Variants in KLF13 observed in about 807,000 individuals in gnomAD.
KLF13 encodes the protein KLF transcription factor 13, also known as Krueppel-like factor 13.
Under a neutral mutation model 16.7 loss-of-function variants are expected in KLF13, and 8 were observed. The ratio of observed to expected loss-of-function variants is 0.48; its 90% CI spans 0.28 to 0.87. The LOEUF is 0.87. Ranked by LOEUF, KLF13 falls within the 40% of genes least tolerant of loss-of-function variation. The pLI is 0.10. For missense variants in KLF13, 447 were observed against 452.2 expected, an observed-to-expected ratio of 0.99 and a Z score of 0.10; for synonymous variants, 245 against 208.4, an observed-to-expected ratio of 1.18 and a Z score of -1.51.
exon 1 of KLF13, chr15:31,392,931 C>T (rs2039895099): frequency 6.6e-6 from 1 of 152,508 alleles, no homozygotes; most frequent in African/African-American, 2.4e-5. Context: ...TCCGCTACGC[C>T]TGGAGAGCAT....
At chr15:31,360,735 A>G (rs1367491394) in intron 1 of KLF13, among the ~76,000 whole-genome samples, 1 of 152,212 alleles carries the variant, frequency 6.6e-6, no homozygotes, top group Non-Finnish European at 1.5e-5. Flanking sequence ...CGGCTCCCTC[A>G]AAAACCAAAG....
Position 31,374,854 on chromosome 15 carries a change from C to CG in KLF13, c.*2561dup, listed in dbSNP as rs1368467343. ...AGAGCTGGTTTGTTTTAGAGCAGGG[C>CG]GGGGGGTGGGGGAGGGAAGCGGGTG... On this transcript the variant is annotated 3_prime_UTR_variant, in exon 2 of 2. Coordinates refer to ENST00000307145, the MANE Select transcript of KLF13 (RefSeq NM_015995.4). 1.0e-5 allele frequency: 1 copy of CG among 99,180 alleles called. No individual in the cohort carries two copies. The highest frequency in any genetic ancestry group is 1.9e-5 in the Non-Finnish European group (1 of 52,710). The allele number at this position is 99,180 out of a possible 1,614,324, so 6.1% of individuals were successfully genotyped here.
intron 1 of KLF13, 106 bp downstream of exon 1, chr15:31,327,895 G>A (rs2038747249): frequency 5.2e-6 from 6 of 1,147,176 alleles, no homozygotes; most frequent in Non-Finnish European, 6.5e-6. Flanking sequence ...GGGCCGGGCG[G>A]GCCGGAACGC....
chr15:31,339,876 C>T (rs905642784), intron 1 of KLF13: 16 of 686,158 alleles, frequency 2.3e-5, no homozygotes, highest in Non-Finnish European at 3.8e-5. Context: ...GGAGATGCAG[C>T]AGCGGGCTCT....
chr15:31,343,252 G>A (rs1244845225), intron 1 of KLF13, among the ~76,000 whole-genome samples: 2 of 152,238 alleles, frequency 1.3e-5, no homozygotes, highest in Non-Finnish European at 1.5e-5. Flanking sequence ...CACCATCCTG[G>A]GAGAAACAGC....
intron 2 of KLF13, among the ~76,000 whole-genome samples, chr15:31,395,263 AGCC>A (rs1446807561): frequency 2.0e-5 from 3 of 152,184 alleles, no homozygotes; most frequent in African/African-American, 7.2e-5. Context: ...TACAGGCGTG[AGCC>A]ACTGTGCCCG....
intron 1 of KLF13, among the ~76,000 whole-genome samples, chr15:31,385,110 A>G (rs1171374043): frequency 6.6e-6 from 1 of 152,238 alleles, no homozygotes; most frequent in African/African-American, 2.4e-5. Context: ...GGTGGTGGCC[A>G]TCTGCAAACA....
chr15:31,378,413 A>G (rs1289314922), downstream of KLF13, among the ~76,000 whole-genome samples: 1 of 152,190 alleles, frequency 6.6e-6, no homozygotes, highest in Non-Finnish European at 1.5e-5. Context: ...GTCCCAGGAC[A>G]CTGGGAGTCT....
Position 31,376,938 on chromosome 15 carries a change from C to T in KLF13, c.*4639C>T, listed in dbSNP as rs925135934. The T allele has an allele frequency of 2.1e-5, 3 of 143,306 alleles. No homozygotes were observed. Among genetic ancestry groups the T allele is most frequent in the African/African-American group, 5.3e-5 (2 of 37,880 alleles). 8.9% of individuals were successfully genotyped at this position (143,306 alleles called of 1,614,324 possible). Reference sequence around the variant, plus strand: ...CTGGATGGGAGAGAAGTAGCGTCCCCTACCCTACAAGTCACACATTCCGGG... The same window carrying T: ...CTGGATGGGAGAGAAGTAGCGTCCCTTACCCTACAAGTCACACATTCCGGG... On this transcript the variant is annotated 3_prime_UTR_variant, in exon 2 of 2. Coordinates refer to ENST00000307145, the MANE Select transcript of KLF13 (RefSeq NM_015995.4).
At chr15:31,421,509 T>A (rs1333930233) in intron 1 of KLF13, among the ~76,000 whole-genome samples, 1 of 152,106 alleles carries the variant, frequency 6.6e-6, no homozygotes, top group East Asian at 1.9e-4. Context: ...ATAAATAACA[T>A]AAAGTAGGGG....
chr15:31,389,873 A>G (rs568208289), upstream of KLF13, among the ~76,000 whole-genome samples: 31 of 152,220 alleles, frequency 2.0e-4, no homozygotes, highest in South Asian at 6.2e-4. Context: ...AAAGTCATCA[A>G]CACCACCACC....
chr15:31,398,031 G>C (rs917668082), intron 2 of KLF13, among the ~76,000 whole-genome samples: 2 of 152,146 alleles, frequency 1.3e-5, no homozygotes, highest in African/African-American at 2.4e-5. Flanking sequence ...TACGCAGTCC[G>C]GGGCCAGTAA....
At chr15:31,385,314 T>G (rs2039782034) in intron 1 of KLF13, among the ~76,000 whole-genome samples, 1 of 152,236 alleles carries the variant, frequency 6.6e-6, no homozygotes, top group South Asian at 2.1e-4. Flanking sequence ...AATCCCAAAG[T>G]CAGGACAAGG....
chr15:31,339,244 A>G (rs144770252), intron 1 of KLF13, among the ~76,000 whole-genome samples: 1 of 151,838 alleles, frequency 6.6e-6, no homozygotes, highest in East Asian at 1.9e-4. Flanking sequence ...ATGGGTTTCT[A>G]TTTTGATTTT....
intron 1 of KLF13, among the ~76,000 whole-genome samples, chr15:31,344,533 C>T (rs1489122333): frequency 6.6e-6 from 1 of 152,184 alleles, no homozygotes; most frequent in African/African-American, 2.4e-5. Flanking sequence ...TGGCCCATGG[C>T]GAAAGGGTTC....
At chr15:31,385,681 T>G (rs2039787821) in intron 1 of KLF13, among the ~76,000 whole-genome samples, 3 of 152,254 alleles carry the variant, frequency 2.0e-5, no homozygotes, top group South Asian at 2.1e-4. Context: ...ATGTGTGTGT[T>G]CTCACTGCTC....
At chr15:31,409,353 T>G (rs2040164719), downstream of KLF13, among the ~76,000 whole-genome samples, 1 of 151,894 alleles carries the variant, frequency 6.6e-6, no homozygotes, top group South Asian at 2.1e-4. Context: ...CAATACCAAA[T>G]GATGCAATAT....
At chr15:31,365,064 C>T (rs2039444677) in intron 1 of KLF13, among the ~76,000 whole-genome samples, 1 of 152,184 alleles carries the variant, frequency 6.6e-6, no homozygotes, top group South Asian at 2.1e-4. Flanking sequence ...AAAAACATTG[C>T]AGTCTTGAGG....
chr15:31,426,515 C>T (rs558605581), intron 1 of KLF13, among the ~76,000 whole-genome samples: 18 of 152,210 alleles, frequency 1.2e-4, no homozygotes, highest in Admixed American at 3.3e-4. Flanking sequence ...GAAAGTAAAA[C>T]GCAACCTACA....
Sources: allele counts gnomAD v4.1 joint callset (sites outside exome capture counted in the v4.1 genomes callset), GRCh38; gene constraint gnomAD v4.1.1; transcripts MANE v1.5; gene names NCBI Gene and HGNC (gene_info 2026-07-23, HGNC 2026-07-21).